ABR: variants seen among roughly 807,000 people sequenced by gnomAD.
ABR encodes the protein active breakpoint cluster region-related protein.
In ABR, 35 loss-of-function variants were observed where a neutral mutation model predicts 107.2. The ratio of observed to expected loss-of-function variants is 0.33; its 90% CI spans 0.25 to 0.43. ABR has a LOEUF of 0.43. Among genes scored for constraint, ABR ranks in the 20% least tolerant of loss-of-function variants. ABR has a pLI of 1.00. For synonymous variants in ABR, 498 were observed against 462.0 expected, an observed-to-expected ratio of 1.08 and a Z score of -1.00; for missense variants, 815 against 1,115.2, an observed-to-expected ratio of 0.73 and a Z score of 3.83.
At chr17:1,201,016 G>A (rs983201351) in intron 1 of ABR, among the ~76,000 whole-genome samples, 4 of 152,304 alleles carry the variant, frequency 2.6e-5, no homozygotes, top group East Asian at 1.9e-4. Context: ...AAGGAGGATG[G>A]GGGGAGGAAA....
intron 2 of ABR, among the ~76,000 whole-genome samples, chr17:1,104,405 C>T (rs2038107736): frequency 6.6e-6 from 1 of 152,224 alleles, no homozygotes; most frequent in South Asian, 2.1e-4. Flanking sequence ...AAGACACAAT[C>T]TCTCCAGTAG....
At chr17:1,173,128 C>A in intron 1 of ABR, among the ~76,000 whole-genome samples, 1 of 113,926 alleles carries the variant, frequency 8.8e-6, no homozygotes, top group Admixed American at 8.7e-5. Context: ...CTCAGTCCAC[C>A]CCCCACACAT....
rs1448492624 is a variant in ABR, at chr17:1,084,418, T to C, written c.532-791A>G. On this transcript the variant is annotated intron_variant, in intron 4 of 22. Coordinates refer to ENST00000302538, the MANE Select transcript of ABR (RefSeq NM_021962.5). The surrounding 1 kb of genome is among the most constrained non-coding windows in gnomAD (Gnocchi z 4.2). Reference sequence around the variant, plus strand: ...AACAAATGAAGATGCTGTCTTTCCATTTCCCTTGGCCTTGAGGCCCCGTCC... The same window carrying C: ...AACAAATGAAGATGCTGTCTTTCCACTTCCCTTGGCCTTGAGGCCCCGTCC... Among the ~76,000 whole-genome samples, 4 of 152,194 alleles carry C rather than the reference T, an allele frequency of 2.6e-5. No individual in the cohort carries two copies. The highest frequency in any genetic ancestry group is 7.2e-5 in the African/African-American group (3 of 41,456).
chr17:1,214,499 G>T (rs1020038083), intron 1 of ABR, among the ~76,000 whole-genome samples: 1 of 152,078 alleles, frequency 6.6e-6, no homozygotes, highest in Non-Finnish European at 1.5e-5. Flanking sequence ...TTTAAGATTT[G>T]AATATAAAAA....
At chr17:1,197,125 G>C (rs952145454) in intron 1 of ABR, among the ~76,000 whole-genome samples, 1 of 151,570 alleles carries the variant, frequency 6.6e-6, no homozygotes, top group Non-Finnish European at 1.5e-5. Flanking sequence ...TCGGATCTCG[G>C]GGGCATCTCT....
At chr17:1,012,364 T>C (rs754224914) in intron 18 of ABR, 1 of 649,224 alleles carries the variant, frequency 1.5e-6, no homozygotes, top group South Asian at 1.5e-5. Context: ...ACGTGCCCTT[T>C]CCCGAGGGGC....
intron 16 of ABR, among the ~76,000 whole-genome samples, chr17:1,021,078 G>A (rs2071586497): frequency 6.6e-6 from 1 of 152,090 alleles, no homozygotes; most frequent in African/African-American, 2.4e-5. Context: ...CCTCACCCAG[G>A]GCCCTTTAAT....
chr17:1,117,153 C>T (rs1453026537), intron 2 of ABR, among the ~76,000 whole-genome samples: 2 of 108,680 alleles, frequency 1.8e-5, no homozygotes, highest in Admixed American at 9.6e-5. Context: ...TTCCTCCCAG[C>T]GTTATCCCTG....
chr17:1,105,175 C>T (rs1372177276), intron 2 of ABR, among the ~76,000 whole-genome samples: 3 of 151,710 alleles, frequency 2.0e-5, no homozygotes, highest in African/African-American at 4.8e-5. Context: ...CGCCCAGATA[C>T]TTTTTGTGTT....
intron 3 of ABR, among the ~76,000 whole-genome samples, chr17:1,095,014 G>A (rs1356821113): frequency 6.6e-6 from 1 of 152,210 alleles, no homozygotes; most frequent in Non-Finnish European, 1.5e-5. Flanking sequence ...CGTCGTAAGA[G>A]TTTATCCTTT....
rs541189411 is a variant in ABR at position 1,016,868 on chromosome 17, G to A, written c.1792-3704C>T. Reference sequence around the variant, plus strand: ...GTGCACTCTGAGGTGTGCGTGCCACGGTTTGAACGCAGTTGCTATAACAGG... The same window carrying A: ...GTGCACTCTGAGGTGTGCGTGCCACAGTTTGAACGCAGTTGCTATAACAGG... On this transcript the variant is annotated intron_variant, in intron 16 of 22. Transcript: ENST00000302538. 7.2e-5 allele frequency among the ~76,000 whole-genome samples: 11 copies of A among 152,098 alleles called. No homozygotes were observed. The East Asian group carries it at 7.7e-4, about 11-fold the overall frequency.
chr17:1,111,238 G>C (rs1398832774), intron 2 of ABR, among the ~76,000 whole-genome samples: 1 of 152,156 alleles, frequency 6.6e-6, no homozygotes, highest in Non-Finnish European at 1.5e-5. Context: ...ACACGGCATG[G>C]TGAGACTGAC....
intron 16 of ABR, among the ~76,000 whole-genome samples, chr17:1,032,696 A>G (rs1025970515): frequency 6.2e-5 from 4 of 64,822 alleles, no homozygotes; most frequent in African/African-American, 1.6e-4. Context: ...TTGACCTTCA[A>G]TTTATTTAGT....
chr17:1,134,653 C>T (rs1284189365), intron 1 of ABR, among the ~76,000 whole-genome samples: 1 of 152,174 alleles, frequency 6.6e-6, no homozygotes, highest in Non-Finnish European at 1.5e-5. Flanking sequence ...GATGCTACGA[C>T]AGAGGCCTCA....
Position 1,037,104 on chromosome 17 carries a change from C to T in ABR, c.1791+12946G>A, listed in dbSNP as rs150586772. Among the ~76,000 whole-genome samples the T allele has an allele frequency of 5.9e-3, 890 of 150,110 alleles. 16 individuals are homozygous for T. The highest frequency in any genetic ancestry group is 0.021 in the African/African-American group (849 of 40,332). On this transcript the variant is annotated intron_variant, in intron 16 of 22. Transcript: ENST00000302538. This position sits in a 1 kb window ranked among gnomAD's most constrained non-coding sequence, Gnocchi z 4.6. The stretch of plus-strand genomic sequence containing the variant: ...CCATCCTTCCATCCATCCATCCATC[C>T]ATCCACCCACCCACCCATCCATCCA...
At chr17:1,066,149 G>A (rs143792601) in intron 10 of ABR, among the ~76,000 whole-genome samples, 2 of 152,144 alleles carry the variant, frequency 1.3e-5, no homozygotes, top group Admixed American at 1.3e-4. Context: ...AAAGTTCTGG[G>A]ATTAAAGGTG....
At position 1,057,994 on chromosome 17, in the gene ABR, C is replaced by T. The variant is rs865963971; in HGVS notation, c.1357G>A (p.Ala453Thr). 4.3e-6 allele frequency: 7 copies of T among 1,613,974 alleles called. No individual in the cohort carries two copies. Among genetic ancestry groups the T allele is most frequent in the East Asian group, 4.5e-5 (2 of 44,884 alleles). ...SDYERSEWRE[A>T]IQKLQKKDLQ... ...CCCTTCTTCTGTAGTTTCTGAATTG[C>T]TTCTCTCCACTCTGACCTCTCGTAG... The change falls in exon 12 of 23, where the codon GCA becomes ACA. Residue 453 changes from alanine (A) to threonine (T), a missense_variant. By Grantham distance (58) the Ala-to-Thr change is moderately conservative. This residue lies in a region of ABR where 385 missense variants were observed against 596.9 expected (regional missense o/e 0.64). Transcript: ENST00000302538.
Position 1,134,255 on chromosome 17 carries a change from A to G in ABR, c.62-8888T>C, listed in dbSNP as rs9909728. Among the ~76,000 whole-genome samples the G allele has an allele frequency of 4.6e-5, 7 of 151,714 alleles. No homozygotes were observed. The South Asian group carries it at 6.2e-4, about 14-fold the overall frequency. On this transcript the variant is annotated intron_variant, in intron 1 of 22. Transcript: ENST00000302538. ...TGATGAAACCCCGTCTGTACTAAAA[A>G]TACAAAAATTAGCCAGGTATGGTTG...
chr17:1,189,498 C>T (rs111443282), upstream of ABR, among the ~76,000 whole-genome samples: 16 of 152,158 alleles, frequency 1.1e-4, no homozygotes, highest in African/African-American at 3.9e-4. Context: ...GGGATAGAGA[C>T]CCGCACATCC....
Sources: allele counts gnomAD v4.1 joint callset (sites outside exome capture counted in the v4.1 genomes callset), GRCh38; gene constraint gnomAD v4.1.1; regional missense constraint gnomAD v4.1.1; non-coding constraint Gnocchi (gnomAD v3.1); transcripts MANE v1.5; gene names NCBI Gene and HGNC (gene_info 2026-07-23, HGNC 2026-07-21).